The following DPH6 variants were observed in gnomAD, a reference collection of about 807,000 sequenced individuals.
DPH6 encodes diphthine--ammonia ligase.
In DPH6, 33 loss-of-function variants were observed where a neutral mutation model predicts 38.2. The ratio of observed to expected loss-of-function variants is 0.86; its 90% CI spans 0.65 to 1.15. The LOEUF is 1.15. Ranked by LOEUF, DPH6 falls within the 50% of genes most tolerant of loss-of-function variation. The probability of loss-of-function intolerance (pLI) is 0.00; values close to 1 mark genes in which losing one functional copy is unlikely to be tolerated. For synonymous variants in DPH6, 108 were observed against 103.0 expected, an observed-to-expected ratio of 1.05 and a Z score of -0.30; for missense variants, 325 against 320.0, an observed-to-expected ratio of 1.02 and a Z score of -0.12.
intron 3 of DPH6, among the ~76,000 whole-genome samples, chr15:35,289,091 CTT>C (rs569487812): frequency 2.3e-3 from 344 of 152,288 alleles, no homozygotes; most frequent in Non-Finnish European, 2.6e-3. Flanking sequence ...TAAAATCAAA[CTT>C]ATCATTTCTA....
Position 35,372,124 on chromosome 15 carries a change from T to C in DPH6, c.*26A>G, listed in dbSNP as rs1213870717. The C allele has an allele frequency of 1.3e-5, 19 of 1,513,376 alleles. No individual in the cohort carries two copies. Among genetic ancestry groups the C allele is most frequent in the Admixed American group, 2.2e-5 (1 of 45,014 alleles). 93.7% of individuals were successfully genotyped at this position (1,513,376 alleles called of 1,614,324 possible). A position where few individuals can be genotyped will look rare whatever the true frequency, so the allele number is the denominator to read the frequency against. ...ATTTTTTTGTATAGAAATGGTGGTT[T>C]AATGAACAATGTTCCAAAACACTTT... On this transcript the variant is annotated 3_prime_UTR_variant, in exon 9 of 9. Coordinates refer to ENST00000256538, the MANE Select transcript of DPH6 (RefSeq NM_080650.4).
chr15:35,413,918 T>C (rs898305071), intron 5 of DPH6, among the ~76,000 whole-genome samples: 1 of 151,748 alleles, frequency 6.6e-6, no homozygotes, highest in African/African-American at 2.4e-5. Context: ...TTTCTACTTT[T>C]CGGATAATCA....
Position 35,240,930 on chromosome 15 carries a change from T to A in DPH6, n.201-20348A>T, listed in dbSNP as rs530104820. Among the ~76,000 whole-genome samples, 37 of 143,336 alleles carry A rather than the reference T, an allele frequency of 2.6e-4. 6 individuals carry two copies. The highest frequency in any genetic ancestry group is 8.8e-4 in the African/African-American group (35 of 39,594). The allele number at this position is 143,336 out of a possible 152,430, so 94.0% of individuals were successfully genotyped here. On this transcript the variant is annotated intron_variant and non_coding_transcript_variant, in intron 3 of 3. Transcript: ENST00000560386. ...ATAATAGAAAAAAGTTGCAATTCCT[T>A]GCCTCCACTGTGAGACAAACCCCAG...
chr15:35,237,477 A>G lies in DPH6; in HGVS notation n.201-16895T>C, dbSNP rs76690441. Reference sequence around the variant, plus strand: ...TAACTGGAATTCTTCAGTGCAACCAACGTAGGCCTCACCTCAACTGCAAAC... The same window carrying G: ...TAACTGGAATTCTTCAGTGCAACCAGCGTAGGCCTCACCTCAACTGCAAAC... On this transcript the variant is annotated intron_variant and non_coding_transcript_variant, in intron 3 of 3. Coordinates refer to the DPH6 transcript ENST00000560386. The G allele has an allele frequency of 6.1e-3, 9,614 of 1,586,188 alleles. 518 individuals are homozygous for G. The African/African-American group carries it at 0.11, about 19-fold the overall frequency.
At chr15:35,145,929 A>C in the DPH6 span, among the ~76,000 whole-genome samples, 1 of 152,338 alleles carries the variant, frequency 6.6e-6, no homozygotes, top group Non-Finnish European at 1.5e-5. Context: ...ATAGTATATG[A>C]AACATTTAAA....
intron 3 of DPH6, among the ~76,000 whole-genome samples, chr15:35,349,253 C>T (rs2052488361): frequency 6.6e-6 from 1 of 152,098 alleles, no homozygotes; most frequent in African/African-American, 2.4e-5. Flanking sequence ...GAAAAGCTTA[C>T]AGTTTTTCAC....
chr15:35,262,568 T>C (rs576995938), intron 3 of DPH6, among the ~76,000 whole-genome samples: 44 of 151,692 alleles, frequency 2.9e-4, no homozygotes, highest in African/African-American at 1.1e-3. Flanking sequence ...TAGCTGGGCG[T>C]GGTGGCGGGC....
chr15:35,237,267 G>A, intron 3 of DPH6: 2 of 1,465,660 alleles, frequency 1.4e-6, no homozygotes, highest in Non-Finnish European at 1.9e-6. Flanking sequence ...GCTAAAACGC[G>A]CGGCCGTGTT....
the DPH6 span, among the ~76,000 whole-genome samples, chr15:35,179,221 A>G: frequency 1.8e-4 from 27 of 151,088 alleles, no homozygotes; most frequent in African/African-American, 1.5e-4. Context: ...AAAAAAAAAA[A>G]AAAAAAGAAA....
chr15:35,375,623 C>T (rs377478932), intron 7 of DPH6, among the ~76,000 whole-genome samples: 3 of 152,096 alleles, frequency 2.0e-5, no homozygotes, highest in Non-Finnish European at 4.4e-5. Flanking sequence ...TTCCTTTCTC[C>T]ATTAATCAGT....
chr15:35,481,015 C>T (rs1300394081), intron 3 of DPH6, among the ~76,000 whole-genome samples: 3 of 151,942 alleles, frequency 2.0e-5, no homozygotes, highest in Admixed American at 6.6e-5. Flanking sequence ...GATCAAACTT[C>T]CAGATCTGTG....
chr15:35,414,120 T>G (rs1290661883), intron 5 of DPH6, among the ~76,000 whole-genome samples: 4 of 151,484 alleles, frequency 2.6e-5, no homozygotes, highest in Non-Finnish European at 5.9e-5. Context: ...ATCAACATAT[T>G]TACAATGTTT....
At chr15:35,496,193 A>G (rs1440154788) in intron 3 of DPH6, among the ~76,000 whole-genome samples, 1 of 152,154 alleles carries the variant, frequency 6.6e-6, no homozygotes, top group African/African-American at 2.4e-5. Flanking sequence ...GATAACTTGA[A>G]TTTATTTTTC....
At chr15:35,470,304 C>T (rs373778855) in intron 3 of DPH6, among the ~76,000 whole-genome samples, 1 of 151,834 alleles carries the variant, frequency 6.6e-6, no homozygotes, top group South Asian at 2.1e-4. Context: ...ACGCCAAGGT[C>T]AAAGAGGTTT....
chr15:35,314,568 T>G (rs986438565), intron 3 of DPH6, among the ~76,000 whole-genome samples: 3 of 152,082 alleles, frequency 2.0e-5, no homozygotes, highest in African/African-American at 7.2e-5. Flanking sequence ...ACAAGAGCCT[T>G]GAAGATGAGG....
chr15:35,289,150 G>C (rs896103077), intron 3 of DPH6, among the ~76,000 whole-genome samples: 6 of 152,112 alleles, frequency 3.9e-5, no homozygotes, highest in African/African-American at 4.8e-5. Flanking sequence ...CTGGCTGCTG[G>C]ATCACTACAA....
At chr15:35,289,660 C>T (rs2140444431) in intron 3 of DPH6, among the ~76,000 whole-genome samples, 1 of 152,248 alleles carries the variant, frequency 6.6e-6, no homozygotes, top group South Asian at 2.1e-4. Flanking sequence ...ATATCTTGAA[C>T]ATTTCTAATG....
intron 5 of DPH6, 83 bp from the exon 6 acceptor site, chr15:35,410,979 C>T (rs916219869): frequency 2.9e-5 from 35 of 1,214,010 alleles, no homozygotes; most frequent in African/African-American, 4.6e-5. Context: ...GGCCCCTCCT[C>T]ACCTAGAAAA....
chr15:35,209,483 A>G, the DPH6 span, among the ~76,000 whole-genome samples: 1 of 152,216 alleles, frequency 6.6e-6, no homozygotes, highest in East Asian at 1.9e-4. Context: ...AAACTCAGTT[A>G]CTATTTTAGA....
Sources: gnomAD v4.1 joint callset for allele counts (sites outside exome capture counted in the v4.1 genomes callset) on GRCh38, gnomAD v4.1.1 for gene constraint, MANE v1.5 for transcripts, NCBI Gene and HGNC (gene_info 2026-07-23, HGNC 2026-07-21) for gene names.